The following SFRP1 variants were observed in gnomAD, a reference collection of about 807,000 sequenced individuals.
SFRP1 encodes the protein secreted frizzled-related protein 1.
SFRP1 carries 9 observed loss-of-function variants against 25.9 expected under a neutral mutation model. That is an observed-to-expected ratio of 0.35 (90% CI 0.21 to 0.61). The LOEUF (loss-of-function observed/expected upper bound fraction) is 0.61, where lower values mean the gene tolerates loss of function less well. Among genes scored for constraint, SFRP1 ranks in the 20% least tolerant of loss-of-function variants. SFRP1 has a pLI of 0.78. For synonymous variants in SFRP1, 178 were observed against 174.0 expected (o/e 1.02, Z -0.18); for missense variants, 346 against 418.2 (o/e 0.83, Z 1.51).
At chr8:41,283,656 G>A (rs1803663423) in intron 2 of SFRP1, among the ~76,000 whole-genome samples, 1 of 150,484 alleles carries the variant, frequency 6.6e-6, no homozygotes, top group Non-Finnish European at 1.5e-5. Context: ...TGCCTCCCAG[G>A]TTCAAGTGAT....
At chr8:41,291,280 A>G (rs57411995) in intron 2 of SFRP1, among the ~76,000 whole-genome samples, 1 of 152,076 alleles carries the variant, frequency 6.6e-6, no homozygotes, top group Non-Finnish European at 1.5e-5. Context: ...CTGTGTTACC[A>G]ACAAGGCCAA....
intron 2 of SFRP1, among the ~76,000 whole-genome samples, chr8:41,287,591 T>C (rs1240630292): frequency 6.6e-6 from 1 of 152,234 alleles, no homozygotes; most frequent in Non-Finnish European, 1.5e-5. Context: ...CTTTCTGATT[T>C]GATGCTTTCG....
chr8:41,269,815 T>C (rs1803481238), intron 2 of SFRP1, among the ~76,000 whole-genome samples: 1 of 152,126 alleles, frequency 6.6e-6, no homozygotes, highest in South Asian at 2.1e-4. Flanking sequence ...TAGGAATCAA[T>C]CTTATAACTC....
intron 2 of SFRP1, among the ~76,000 whole-genome samples, chr8:41,278,330 A>G (rs1015196193): frequency 6.6e-6 from 1 of 152,250 alleles, no homozygotes; most frequent in African/African-American, 2.4e-5. Flanking sequence ...AGCAGACCCC[A>G]GCTGACCAAT....
rs190022691 is a variant in SFRP1 at position 41,286,789 on chromosome 8, G to T, written c.622+16672C>A. ...ACGCTGCTGGTGACCTAAAGAGATG[G>T]GGGCCCTAGCTGGCTCCTCCACCTT... is the stretch of plus-strand genomic sequence containing the variant. On this transcript the variant is annotated intron_variant, in intron 2 of 2. Transcript: ENST00000220772. 2.6e-5 allele frequency among the ~76,000 whole-genome samples: 4 copies of T among 152,278 alleles called. No individual in the cohort carries two copies. In the East Asian group the frequency reaches 7.7e-4, roughly 29 times the overall value.
At chr8:41,302,368 T>C in intron 2 of SFRP1, among the ~76,000 whole-genome samples, 1 of 152,212 alleles carries the variant, frequency 6.6e-6, no homozygotes, top group East Asian at 1.9e-4. Context: ...TCCTCCCACA[T>C]GTGTGCAGCT....
chr8:41,273,870 A>G (rs895116211), intron 2 of SFRP1, among the ~76,000 whole-genome samples: 5 of 152,276 alleles, frequency 3.3e-5, no homozygotes, highest in South Asian at 2.1e-4. Context: ...TCAGACCTCA[A>G]TGTGGGCTGG....
chr8:41,273,287 C>T (rs115102950), intron 2 of SFRP1, among the ~76,000 whole-genome samples: 3,882 of 152,134 alleles, frequency 0.026, 145 homozygotes, highest in African/African-American at 0.074. Context: ...CTCAGGAGTT[C>T]GAGACCAGCC....
At chr8:41,297,304 AAAGT>A (rs1289662830) in intron 2 of SFRP1, among the ~76,000 whole-genome samples, 1 of 152,186 alleles carries the variant, frequency 6.6e-6, no homozygotes, top group Non-Finnish European at 1.5e-5. Flanking sequence ...TCAGCCTCCC[AAAGT>A]GCTGGGATTA....
chr8:41,273,007 G>A (rs893274226), intron 2 of SFRP1, among the ~76,000 whole-genome samples: 1 of 152,180 alleles, frequency 6.6e-6, no homozygotes, highest in Non-Finnish European at 1.5e-5. Context: ...GGAAACTGGA[G>A]GATAATGAAT....
chr8:41,282,508 G>A (rs1476406061), intron 2 of SFRP1, among the ~76,000 whole-genome samples: 1 of 151,422 alleles, frequency 6.6e-6, no homozygotes, highest in Non-Finnish European at 1.5e-5. Flanking sequence ...GAAAGACCCT[G>A]CCTCCAAAAA....
Position 41,297,082 on chromosome 8 carries a change from T to C in SFRP1, c.622+6379A>G, listed in dbSNP as rs1338590432. ...GTTTTTGAGACAGAGTTTCGCTCTA[T>C]CACCCAGGCTGGAGTGCAGCAGCGC... On this transcript the variant is annotated intron_variant, in intron 2 of 2. Transcript: ENST00000220772. Among the ~76,000 whole-genome samples, 4 of 152,336 alleles carry C rather than the reference T, an allele frequency of 2.6e-5. No individual in the cohort carries two copies. In the South Asian group the frequency reaches 6.2e-4, roughly 24 times the overall value.
chr8:41,267,523 T>C (rs1299920679), intron 2 of SFRP1, among the ~76,000 whole-genome samples: 1 of 152,190 alleles, frequency 6.6e-6, no homozygotes, highest in Non-Finnish European at 1.5e-5. Context: ...AAGCCCCCTC[T>C]TTTTAATGAT....
In SFRP1 at chr8:41,266,259, C is replaced by T. The variant is rs776033344; in HGVS notation, c.623-770G>A. ...AGTGGTATCTCTCTGTAATGGCCAT[C>T]GGTGCCAGGAGATCCTCAAATAAAT... is the stretch of plus-strand genomic sequence containing the variant. On this transcript the variant is annotated intron_variant, in intron 2 of 2. Coordinates refer to ENST00000220772, the MANE Select transcript of SFRP1 (RefSeq NM_003012.5). Among the ~76,000 whole-genome samples the T allele has an allele frequency of 2.6e-5, 4 of 152,112 alleles. No homozygotes were observed. In the South Asian group the frequency reaches 6.2e-4, roughly 24 times the overall value.
intron 2 of SFRP1, among the ~76,000 whole-genome samples, chr8:41,297,722 T>TAGCTTA (rs1314112392): frequency 6.6e-6 from 1 of 151,970 alleles, no homozygotes; most frequent in Non-Finnish European, 1.5e-5. Context: ...GGGTAGGGAT[T>TAGCTTA]TAATCCAAGT....
intron 2 of SFRP1, among the ~76,000 whole-genome samples, chr8:41,295,671 T>C (rs934274560): frequency 1.3e-5 from 2 of 151,884 alleles, no homozygotes; most frequent in Non-Finnish European, 2.9e-5. Flanking sequence ...GAACTCAACT[T>C]ACCTAATTCC....
chr8:41,268,506 G>A (rs900362965), intron 2 of SFRP1, among the ~76,000 whole-genome samples: 3 of 152,182 alleles, frequency 2.0e-5, no homozygotes, highest in Non-Finnish European at 4.4e-5. Flanking sequence ...TTACGTAGGT[G>A]GGGGAGCAGC....
chr8:41,298,767 AC>A (rs527355111), intron 2 of SFRP1, among the ~76,000 whole-genome samples: 15 of 152,158 alleles, frequency 9.9e-5, no homozygotes, highest in Non-Finnish European at 2.1e-4. Context: ...AAAATATCAA[AC>A]ATACCCCATA....
chr8:41,292,240 G>T (rs911435034), intron 2 of SFRP1, among the ~76,000 whole-genome samples: 2 of 152,198 alleles, frequency 1.3e-5, no homozygotes, highest in Non-Finnish European at 2.9e-5. Context: ...TTGCAGCGAA[G>T]ATCCCATAGC....
Sources: allele counts gnomAD v4.1 joint callset (sites outside exome capture counted in the v4.1 genomes callset), GRCh38; gene constraint gnomAD v4.1.1; transcripts MANE v1.5; gene names NCBI Gene and HGNC (gene_info 2026-07-23, HGNC 2026-07-21).